Variants in BRWD3 observed in about 807,000 individuals in gnomAD.
The protein encoded by BRWD3 is bromodomain and WD repeat domain containing 3, also known as bromodomain and WD repeat-containing protein 3.
Under a neutral mutation model 149.7 loss-of-function variants are expected in BRWD3, and 10 were observed. The ratio of observed to expected loss-of-function variants is 0.07; its 90% confidence interval spans 0.04 to 0.11. BRWD3 has a LOEUF of 0.11. Ranked by LOEUF, BRWD3 falls within the 10% of genes least tolerant of loss-of-function variation. The pLI is 1.00. For synonymous variants in BRWD3, 504 were observed against 456.7 expected (o/e 1.10, Z -1.32); for missense variants, 940 against 1,373.2 (o/e 0.68, Z 4.99).
At chrX:80,788,534 G>A (rs998753497) in intron 6 of BRWD3, among the ~76,000 whole-genome samples, 3 of 111,471 alleles carry the variant, frequency 2.7e-5, no homozygotes, top group African/African-American at 9.8e-5. Context: ...ATTGCTGATG[G>A]GAATACAACA....
intron 4 of BRWD3, among the ~76,000 whole-genome samples, chrX:80,795,424 C>T (rs1350395434): frequency 2.8e-5 from 3 of 108,678 alleles, no homozygotes; most frequent in African/African-American, 1.0e-4. Context: ...GGTATATACA[C>T]ATATGTATAT....
intron 22 of BRWD3, among the ~76,000 whole-genome samples, chrX:80,705,655 AATG>A (rs1280731322): frequency 2.7e-5 from 3 of 112,038 alleles, no homozygotes; most frequent in Non-Finnish European, 5.6e-5. Context: ...GGTAGAACCT[AATG>A]CTCCAAGGCT....
intron 8 of BRWD3, 44 bp from the exon 9 acceptor site, chrX:80,736,132 T>A: frequency 1.2e-6 from 1 of 806,134 alleles, no homozygotes; most frequent in South Asian, 2.4e-5. Flanking sequence ...GTTTTCATGT[T>A]CAGCCTAACA....
At chrX:80,768,527 C>T (rs902789926) in intron 6 of BRWD3, among the ~76,000 whole-genome samples, 5 of 111,092 alleles carry the variant, frequency 4.5e-5, no homozygotes, top group Admixed American at 2.9e-4. Flanking sequence ...GACAAGCAAA[C>T]GCTGAGAGAT....
chrX:80,711,290 G>A (rs1221385481), intron 20 of BRWD3, among the ~76,000 whole-genome samples: 2 of 111,533 alleles, frequency 1.8e-5, no homozygotes, highest in African/African-American at 3.3e-5. Context: ...GAGGCCTTCT[G>A]CAGAGGTGGG....
intron 6 of BRWD3, among the ~76,000 whole-genome samples, chrX:80,761,943 A>G (rs1423289584): frequency 9.0e-6 from 1 of 111,680 alleles, no homozygotes; most frequent in Non-Finnish European, 1.9e-5. Context: ...ATTTGCCCAC[A>G]GGTACAATTA....
At chrX:80,744,790 C>CT (rs1217626929) in intron 7 of BRWD3, among the ~76,000 whole-genome samples, 3 of 111,213 alleles carry the variant, frequency 2.7e-5, no homozygotes, top group Non-Finnish European at 5.7e-5. Context: ...TAACAATTAT[C>CT]TATTTATTAA....
Position 80,793,826 on chromosome X carries a change from A to C in BRWD3, c.181-54T>G. 3 of 1,058,201 alleles carry C rather than the reference A, an allele frequency of 2.8e-6. No individual in the cohort carries two copies. The South Asian group carries it at 5.8e-5, about 21-fold the overall frequency. The allele number at this position is 1,058,201 out of a possible 1,213,427, so 87.2% of individuals were successfully genotyped here. On this transcript the variant is annotated intron_variant, in intron 4 of 40. Coordinates refer to ENST00000373275, the MANE Select transcript of BRWD3 (RefSeq NM_153252.5). ...AAACACATTTATTTGGTTTAAAAAT[A>C]TAAATCTATTCCACTACTAAATTGT...
At chrX:80,747,492 T>A (rs1309185441) in intron 6 of BRWD3, among the ~76,000 whole-genome samples, 1 of 90,291 alleles carries the variant, frequency 1.1e-5, no homozygotes, top group Non-Finnish European at 2.1e-5. Flanking sequence ...AAAACATCAT[T>A]ACCAATAGAA....
chrX:80,728,258 T>C (rs779265596), intron 14 of BRWD3, among the ~76,000 whole-genome samples: 2 of 111,703 alleles, frequency 1.8e-5, no homozygotes, highest in Non-Finnish European at 3.8e-5. Context: ...CCCATGTGAT[T>C]TCTGCTATTA....
chrX:80,808,730 T>A, intron 3 of BRWD3, 132 bp from the exon 4 acceptor site: 2 of 328,918 alleles, frequency 6.1e-6, no homozygotes, highest in South Asian at 6.5e-5. Flanking sequence ...CTCGGCCTGA[T>A]AGCTATTGGC....
rs769128712 is a variant in BRWD3, at chrX:80,701,317, A to C, written c.2836-1253T>G. Among the ~76,000 whole-genome samples the C allele has an allele frequency of 9.1e-5, 10 of 109,507 alleles. No individual in the cohort carries two copies. The South Asian group carries it at 4.0e-3, about 44-fold the overall frequency. The stretch of plus-strand genomic sequence containing the variant: ...AATCCTAGTACTTTGGGAGGCCGAG[A>C]TTGGTGGATCACCTGAGGTCAGGAG... On this transcript the variant is annotated intron_variant, in intron 24 of 40. Coordinates refer to ENST00000373275, the MANE Select transcript of BRWD3 (RefSeq NM_153252.5).
chrX:80,736,027 AT>A lies in BRWD3; in HGVS notation c.874del (p.Ile292SerfsTer8), dbSNP rs1230476854. 1 of 1,204,946 alleles carries A rather than the reference AT, an allele frequency of 8.3e-7. No individual in the cohort carries two copies. Among genetic ancestry groups the A allele is most frequent in the Non-Finnish European group, 1.1e-6 (1 of 891,683 alleles). On this transcript the variant is annotated frameshift_variant, in exon 9 of 41. Transcript: ENST00000373275. LOFTEE classifies it high-confidence loss of function. ...YLTSTGADGTICFWQWHVKTM... is the reference protein window; with the variant it reads ...YLTSTGADGTXCFWQWHVKTM... The stretch of plus-strand genomic sequence containing the variant: ...TTTTACATGCCATTGCCAGAAACAG[AT>A]TGTTCCATCAGCACCAGTAGAAGTG...
intron 6 of BRWD3, among the ~76,000 whole-genome samples, chrX:80,787,597 A>G (rs756892323): frequency 1.8e-3 from 203 of 110,919 alleles, no homozygotes; most frequent in African/African-American, 6.4e-3. Flanking sequence ...AATGAATTCA[A>G]TCTAAACCAC....
Position 80,809,224 on chromosome X carries a change from C to T in BRWD3, c.90+22G>A, listed in dbSNP as rs752878397. The T allele has an allele frequency of 3.7e-5, 44 of 1,191,507 alleles. No homozygotes were observed. The South Asian group carries it at 7.9e-4, about 21-fold the overall frequency. On this transcript the variant is annotated intron_variant, in intron 2 of 40. Coordinates refer to ENST00000373275, the MANE Select transcript of BRWD3 (RefSeq NM_153252.5). ...CACTGGGACCATTCACCACGACTCC[C>T]AGATCTCTTTCTTCCCCTTACCTGA...
At chrX:80,678,207 GTGA>G (rs2072393954) in intron 40 of BRWD3, among the ~76,000 whole-genome samples, 1 of 112,330 alleles carries the variant, frequency 8.9e-6, no homozygotes, top group Non-Finnish European at 1.9e-5. Context: ...GTCAATAGAT[GTGA>G]TGATAAGTGA....
intron 14 of BRWD3, 29 bp downstream of exon 14, chrX:80,728,723 T>G: frequency 8.6e-7 from 1 of 1,156,959 alleles, no homozygotes; most frequent in Non-Finnish European, 1.2e-6. Context: ...TTTTGACCAT[T>G]TTAATTACTC....
intron 15 of BRWD3, among the ~76,000 whole-genome samples, chrX:80,724,287 G>C (rs1282390001): frequency 9.0e-6 from 1 of 111,574 alleles, no homozygotes; most frequent in African/African-American, 3.2e-5. Context: ...AAAAGACAGA[G>C]GATCTGTCTT....
chrX:80,692,868 G>A, intron 28 of BRWD3, 72 bp downstream of exon 28: 3 of 823,516 alleles, frequency 3.6e-6, no homozygotes, highest in Non-Finnish European at 5.5e-6. Context: ...CATTACTCCT[G>A]ATGGAGGCTA....
Sources: gnomAD v4.1 joint callset for allele counts (sites outside exome capture counted in the v4.1 genomes callset) on GRCh38, gnomAD v4.1.1 for gene constraint, MANE v1.5 for transcripts, NCBI Gene and HGNC (gene_info 2026-07-23, HGNC 2026-07-21) for gene names.